TMPRSS6: variants seen among roughly 807,000 people sequenced by gnomAD.
TMPRSS6 encodes the protein transmembrane serine protease 6, also known as transmembrane protease serine 6.
Under a neutral mutation model 101.5 loss-of-function variants are expected in TMPRSS6, and 67 were observed. The ratio of observed to expected loss-of-function variants is 0.66; its 90% confidence interval spans 0.54 to 0.81. The LOEUF (loss-of-function observed/expected upper bound fraction) is 0.81, where lower values mean the gene tolerates loss of function less well. TMPRSS6 is among the 30% of genes least tolerant of loss of function. TMPRSS6 has a pLI of 0.00. For missense variants in TMPRSS6, 1,034 were observed against 1,088.7 expected (o/e 0.95, Z 0.71); for synonymous variants, 453 against 464.9 (o/e 0.97, Z 0.33).
At chr22:37,072,277 ATGG>A (rs1927052829) in intron 13 of TMPRSS6, among the ~76,000 whole-genome samples, 1 of 113,738 alleles carries the variant, frequency 8.8e-6, no homozygotes. Context: ...GGATGGTTGC[ATGG>A]ATGGATGGAT....
rs1294197164 is a variant in TMPRSS6 at position 37,084,941 on chromosome 22, A to G, written c.974-102T>C. The G allele has an allele frequency of 1.3e-5, 11 of 844,978 alleles. No homozygotes were observed. In the East Asian group the frequency reaches 2.9e-4, roughly 22 times the overall value. 52.3% of individuals were successfully genotyped at this position (844,978 alleles called of 1,614,324 possible). On this transcript the variant is annotated intron_variant, in intron 8 of 17. Coordinates refer to ENST00000676104, the MANE Select transcript of TMPRSS6 (RefSeq NM_001374504.1). Reference sequence around the variant, plus strand: ...ACCACCCCTACCACCTCTGCCAGCAAATTGCTGTGGTTGAATGTGATTGTG... The same window carrying G: ...ACCACCCCTACCACCTCTGCCAGCAGATTGCTGTGGTTGAATGTGATTGTG...
Position 37,069,011 on chromosome 22 carries a change from G to A in TMPRSS6, c.2113+62C>T. Reference sequence around the variant, plus strand: ...CCAGCCCCGCCCTTCTCCAGGCCAGGTGTTACGGCGCAGATCCGCACGGTC... The same window carrying A: ...CCAGCCCCGCCCTTCTCCAGGCCAGATGTTACGGCGCAGATCCGCACGGTC... On this transcript the variant is annotated intron_variant, in intron 16 of 17. Coordinates refer to ENST00000676104, the MANE Select transcript of TMPRSS6 (RefSeq NM_001374504.1). This position sits in a 1 kb window ranked among gnomAD's most constrained non-coding sequence, Gnocchi z 4.8. 3.3e-6 allele frequency: 5 copies of A among 1,528,052 alleles called. No individual in the cohort carries two copies. The South Asian group carries it at 4.8e-5, about 15-fold the overall frequency. 94.7% of individuals were successfully genotyped at this position (1,528,052 alleles called of 1,614,324 possible).
chr22:37,089,418 C>A (rs895395973), intron 7 of TMPRSS6, among the ~76,000 whole-genome samples, 160 bp downstream of exon 7: 1 of 152,080 alleles, frequency 6.6e-6, no homozygotes, highest in African/African-American at 2.4e-5. Context: ...CTCCAGCCTC[C>A]TCTCCCCTAT....
intron 9 of TMPRSS6, 81 bp downstream of exon 9, chr22:37,084,646 G>T: frequency 8.1e-7 from 1 of 1,229,604 alleles, no homozygotes; most frequent in Non-Finnish European, 1.2e-6. Flanking sequence ...GCGGGACACT[G>T]CCCCCTCTCA....
Position 37,069,061 on chromosome 22 carries a change from C to T in TMPRSS6, c.2113+12G>A, listed in dbSNP as rs1197922414. The stretch of plus-strand genomic sequence containing the variant: ...CTCCCTCCGCCTCCCGCCGCAAGTC[C>T]CCGCTGCTCACCGCCCTCGCGCAAG... On this transcript the variant is annotated intron_variant, in intron 16 of 17. Transcript: ENST00000676104. This position sits in a 1 kb window ranked among gnomAD's most constrained non-coding sequence, Gnocchi z 4.8. The T allele has an allele frequency of 3.9e-6, 6 of 1,537,628 alleles. No individual in the cohort carries two copies. Among genetic ancestry groups the T allele is most frequent in the African/African-American group, 1.4e-5 (1 of 73,038 alleles).
chr22:37,066,023 T>C lies in TMPRSS6; in HGVS notation c.*57A>G. The C allele has an allele frequency of 3.8e-6, 6 of 1,595,076 alleles. No homozygotes were observed. The highest frequency in any genetic ancestry group is 5.1e-6 in the Non-Finnish European group (6 of 1,167,022). On this transcript the variant is annotated 3_prime_UTR_variant, in exon 18 of 18. Coordinates refer to ENST00000676104, the MANE Select transcript of TMPRSS6 (RefSeq NM_001374504.1). Reference sequence around the variant, plus strand: ...GAATACTTGTCCCCCTGCTTGGCAGTTGCCCTGGGCTCTCTGAGTCCAGGA... The same window carrying C: ...GAATACTTGTCCCCCTGCTTGGCAGCTGCCCTGGGCTCTCTGAGTCCAGGA...
chr22:37,084,364 G>T lies in TMPRSS6; in HGVS notation c.1127C>A (p.Ala376Asp), dbSNP rs148638843. The stretch of plus-strand genomic sequence containing the variant: ...ATACTTCTGCCTCCTCAGTGCATAG[G>T]CATCAAACCAGAGGGCCAAGCCGTA... ...LDYGLALWFD[A>D]YALRRQKYDL... Residue 376 changes from alanine (A) to aspartate (D), a missense_variant, in exon 10 of 18, where the codon GCC becomes GAC. By Grantham distance (126) the Ala-to-Asp change is moderately radical. Coordinates refer to ENST00000676104, the MANE Select transcript of TMPRSS6 (RefSeq NM_001374504.1). The T allele has an allele frequency of 2.0e-5, 33 of 1,613,164 alleles. No homozygotes were observed. The highest frequency in any genetic ancestry group is 2.6e-5 in the Non-Finnish European group (31 of 1,179,632).
intron 10 of TMPRSS6, among the ~76,000 whole-genome samples, chr22:37,078,860 AAGG>A (rs1352290202): frequency 6.4e-5 from 3 of 47,096 alleles, no homozygotes; most frequent in African/African-American, 1.7e-4. Flanking sequence ...GAAGGAGAAG[AAGG>A]AGAAGAGGAA....
At chr22:37,107,190 T>C (rs1422135444) in intron 1 of TMPRSS6, among the ~76,000 whole-genome samples, 1 of 152,162 alleles carries the variant, frequency 6.6e-6, no homozygotes, top group African/African-American at 2.4e-5. Flanking sequence ...GACAATGGTG[T>C]GGGCCTGTGG....
intron 6 of TMPRSS6, among the ~76,000 whole-genome samples, chr22:37,090,135 C>A (rs1929137755): frequency 6.6e-6 from 1 of 152,188 alleles, no homozygotes; most frequent in South Asian, 2.1e-4. Flanking sequence ...TCAAACCCGG[C>A]CTGTGGGCTG....
At chr22:37,071,578 GGA>G (rs1396273230) in intron 13 of TMPRSS6, among the ~76,000 whole-genome samples, 5 of 152,352 alleles carry the variant, frequency 3.3e-5, no homozygotes, top group African/African-American at 1.2e-4. Context: ...CTACAAGGCA[GGA>G]GAGTCACCCA....
At chr22:37,067,181 A>G (rs1926381745) in intron 16 of TMPRSS6, among the ~76,000 whole-genome samples, 1 of 152,108 alleles carries the variant, frequency 6.6e-6, no homozygotes, top group South Asian at 2.1e-4. Context: ...ACCAAAGCCC[A>G]TGTGGAGGGC....
intron 10 of TMPRSS6, among the ~76,000 whole-genome samples, chr22:37,077,903 C>G (rs539479648): frequency 6.6e-6 from 1 of 152,300 alleles, no homozygotes; most frequent in East Asian, 1.9e-4. Context: ...TGAGGCAGAA[C>G]AGGTTGGGAG....
intron 1 of TMPRSS6, among the ~76,000 whole-genome samples, chr22:37,108,144 G>C (rs1346385069): frequency 6.6e-6 from 1 of 152,204 alleles, no homozygotes; most frequent in African/African-American, 2.4e-5. Context: ...ACAATGGGAT[G>C]GTAGCAAACA....
rs1291529392 is a variant in TMPRSS6 at position 37,073,598 on chromosome 22, G to A, written c.1489C>T (p.Leu497=). 5 of 1,614,174 alleles carry A rather than the reference G, an allele frequency of 3.1e-6. No individual in the cohort carries two copies. Among genetic ancestry groups the A allele is most frequent in the Non-Finnish European group, 4.2e-6 (5 of 1,180,008 alleles). Residue 497 remains leucine (L), a synonymous_variant, in exon 13 of 18, where the codon CTG becomes TTG. Coordinates refer to ENST00000676104, the MANE Select transcript of TMPRSS6 (RefSeq NM_001374504.1). ...GGCTGCCCATCACAGACCTTGGGCA[G>A]TGAGATGCATGTGCTGTCCTCTTTG... The part of the protein sequence containing the change: ...QCKEDSTCIS[L]PKVCDGQPDC...
At position 37,079,639 on chromosome 22, in the gene TMPRSS6, CT is replaced by C. The variant is rs574315272; in HGVS notation, c.1197-4360del. Among the ~76,000 whole-genome samples the C allele has an allele frequency of 3.5e-3, 528 of 152,348 alleles. 3 individuals carry two copies. The highest frequency in any genetic ancestry group is 0.01 in the Middle Eastern group (3 of 294). On this transcript the variant is annotated intron_variant, in intron 10 of 17. Transcript: ENST00000676104. ...CTGCAGAGCTGAATTGGCAGCCTGG[CT>C]TTGCCCCAGGAACAAGCTGTGTGAC...
In TMPRSS6 at chr22:37,075,123, GC is replaced by G; in HGVS notation, c.1342+11del. The stretch of plus-strand genomic sequence containing the variant: ...GTCACTGCAGGGGGTTCCCCCGGCT[GC>G]CCATACTCACGGTCCGACTGGTTGT... On this transcript the variant is annotated intron_variant, in intron 11 of 17. Coordinates refer to ENST00000676104, the MANE Select transcript of TMPRSS6 (RefSeq NM_001374504.1). 1 of 1,613,734 alleles carries G rather than the reference GC, an allele frequency of 6.2e-7. No homozygotes were observed. Among genetic ancestry groups the G allele is most frequent in the Admixed American group, 1.7e-5 (1 of 60,036 alleles).
At chr22:37,067,994 C>T (rs556685441) in intron 16 of TMPRSS6, among the ~76,000 whole-genome samples, 1 of 138,180 alleles carries the variant, frequency 7.2e-6, no homozygotes, top group African/African-American at 2.8e-5. Context: ...TCCCCTTTGT[C>T]TGAATGTTGC....
At chr22:37,102,341 C>T (rs1930391079) in intron 2 of TMPRSS6, among the ~76,000 whole-genome samples, 1 of 152,202 alleles carries the variant, frequency 6.6e-6, no homozygotes, top group Non-Finnish European at 1.5e-5. Flanking sequence ...ATCCCCAGAA[C>T]CTGGCACACA....
Sources: allele counts gnomAD v4.1 joint callset (sites outside exome capture counted in the v4.1 genomes callset), GRCh38; gene constraint gnomAD v4.1.1; non-coding constraint Gnocchi (gnomAD v3.1); transcripts MANE v1.5; gene names NCBI Gene and HGNC (gene_info 2026-07-23, HGNC 2026-07-21).